Variants in CHD9 observed in about 807,000 individuals in gnomAD.
CHD9 encodes the protein ATP-dependent chromatin remodeler CHD9.
In CHD9, 77 loss-of-function variants were observed where a neutral mutation model predicts 316.1. The ratio of observed to expected loss-of-function variants is 0.24; its 90% confidence interval spans 0.20 to 0.29. The LOEUF is 0.29. Ranked by LOEUF, CHD9 falls within the 10% of genes least tolerant of loss-of-function variation. CHD9 has a pLI of 1.00. For synonymous variants in CHD9, 1,129 were observed against 1,158.3 expected, an observed-to-expected ratio of 0.97 and a Z score of 0.51; for missense variants, 2,763 against 3,438.1, an observed-to-expected ratio of 0.80 and a Z score of 4.91.
At chr16:53,099,571 C>T (rs1033454297) in intron 1 of CHD9, among the ~76,000 whole-genome samples, 7 of 152,132 alleles carry the variant, frequency 4.6e-5, no homozygotes, top group African/African-American at 1.2e-4. Context: ...CTTATCCTTC[C>T]TTCTGCCTCC....
chr16:53,204,216 T>G (rs1252170312), intron 2 of CHD9, among the ~76,000 whole-genome samples: 11 of 151,560 alleles, frequency 7.3e-5, no homozygotes, highest in Non-Finnish European at 1.5e-4. Context: ...GGTCATGTGA[T>G]CATTTTTCCC....
rs71143964 is a variant in CHD9, at chr16:53,088,279, G to GT, written c.-165+33218dup. Among the ~76,000 whole-genome samples, 183 of 136,158 alleles carry GT rather than the reference G, an allele frequency of 1.3e-3. 3 individuals carry two copies. The highest frequency in any genetic ancestry group is 4.1e-3 in the Admixed American group (54 of 13,154). 89.3% of individuals were successfully genotyped at this position (136,158 alleles called of 152,430 possible). On this transcript the variant is annotated intron_variant, in intron 1 of 38. Transcript: ENST00000447540. The stretch of plus-strand genomic sequence containing the variant: ...AATCAAGGAAAATGACATGCACTTT[G>GT]TTTTTTTTTTTTTTTTGAGATGGAG...
rs943888151 is a variant in CHD9 at position 53,243,021 on chromosome 16, GT to G, written c.3054+6del. On this transcript the variant is annotated splice_donor_region_variant and intron_variant, in intron 13 of 38. Coordinates refer to ENST00000447540, the MANE Select transcript of CHD9 (RefSeq NM_001308319.2). Reference sequence around the variant, plus strand: ...GGCCTGAAACTCATGAATCTGGTAAGTAACTTAATATTATCATTATGACAAT... The same window carrying G: ...GGCCTGAAACTCATGAATCTGGTAAGAACTTAATATTATCATTATGACAAT... 9 of 1,569,002 alleles carry G rather than the reference GT, an allele frequency of 5.7e-6. No homozygotes were observed. The Admixed American group carries it at 1.4e-4, about 24-fold the overall frequency.
intron 1 of CHD9, among the ~76,000 whole-genome samples, chr16:53,081,258 A>T (rs192880337): frequency 6.6e-6 from 1 of 152,256 alleles, no homozygotes; most frequent in East Asian, 1.9e-4. Flanking sequence ...GTGGATACAG[A>T]GTTTCTAGAT....
chr16:53,316,975 G>A (rs1185223145), intron 36 of CHD9, among the ~76,000 whole-genome samples: 4 of 152,106 alleles, frequency 2.6e-5, no homozygotes, highest in Non-Finnish European at 5.9e-5. Flanking sequence ...GAGGCGGGCA[G>A]ATCACCTGAG....
At chr16:53,084,557 A>T (rs562099202) in intron 1 of CHD9, among the ~76,000 whole-genome samples, 1 of 152,336 alleles carries the variant, frequency 6.6e-6, no homozygotes, top group African/African-American at 2.4e-5. Flanking sequence ...ATCCTGGCCA[A>T]TATGGTGAAA....
chr16:53,078,660 G>A (rs1459305555), intron 1 of CHD9, among the ~76,000 whole-genome samples: 1 of 151,984 alleles, frequency 6.6e-6, no homozygotes, highest in Non-Finnish European at 1.5e-5. Flanking sequence ...GCCACATCTG[G>A]CATAGTCAAC....
intron 1 of CHD9, among the ~76,000 whole-genome samples, chr16:53,110,220 A>G (rs2037754842): frequency 6.6e-6 from 1 of 152,068 alleles, no homozygotes; most frequent in Admixed American, 6.6e-5. Flanking sequence ...TGAGAACTGA[A>G]CTTACAGGAA....
At chr16:53,120,589 G>A (rs766496750) in intron 1 of CHD9, among the ~76,000 whole-genome samples, 1 of 152,146 alleles carries the variant, frequency 6.6e-6, no homozygotes, top group African/African-American at 2.4e-5. Context: ...CTCCAGCCTG[G>A]GCAACAAGAG....
At chr16:53,126,865 G>C (rs532779131) in intron 1 of CHD9, among the ~76,000 whole-genome samples, 106 of 152,128 alleles carry the variant, frequency 7.0e-4, no homozygotes, top group African/African-American at 2.5e-3. Flanking sequence ...TTTTAGTAGA[G>C]ACGGGGTTTC....
Position 53,248,470 on chromosome 16 carries a change from T to C in CHD9, c.3665+967T>C, listed in dbSNP as rs956283056. On this transcript the variant is annotated intron_variant, in intron 16 of 38. Transcript: ENST00000447540. ...AAAAGAGAATCAGAAATTTCAGCTA[T>C]AGATTTTTTATTTTATTTTTTTTTG... Among the ~76,000 whole-genome samples the C allele has an allele frequency of 5.6e-4, 85 of 151,450 alleles. 1 individual carries two copies. The highest frequency in any genetic ancestry group is 2.3e-3 in the Admixed American group (35 of 15,212).
Position 53,125,311 on chromosome 16 carries a change from C to T in CHD9, c.-164-30615C>T, listed in dbSNP as rs541119926. Among the ~76,000 whole-genome samples, 48 of 150,040 alleles carry T rather than the reference C, an allele frequency of 3.2e-4. 1 individual carries two copies. The South Asian group carries it at 0.01, about 32-fold the overall frequency. The stretch of plus-strand genomic sequence containing the variant: ...CAATCTCAGCTCACTGCAACCTCCA[C>T]CTCCTGGGTTCAAGCAATTCCCCTG... On this transcript the variant is annotated intron_variant, in intron 1 of 38. Coordinates refer to ENST00000447540, the MANE Select transcript of CHD9 (RefSeq NM_001308319.2).
At chr16:53,206,585 T>C (rs1250006398) in intron 2 of CHD9, among the ~76,000 whole-genome samples, 1 of 152,228 alleles carries the variant, frequency 6.6e-6, no homozygotes, top group African/African-American at 2.4e-5. Context: ...AAGTCATTTC[T>C]CTATCCCCCA....
chr16:53,235,552 T>G (rs2048550505), intron 11 of CHD9, among the ~76,000 whole-genome samples: 1 of 152,164 alleles, frequency 6.6e-6, no homozygotes, highest in Admixed American at 6.5e-5. Flanking sequence ...TTGAAATACC[T>G]TTCCAAGAGT....
intron 37 of CHD9, among the ~76,000 whole-genome samples, chr16:53,319,249 C>T (rs957124057): frequency 5.3e-5 from 8 of 152,082 alleles, no homozygotes; most frequent in Middle Eastern, 3.2e-3. Context: ...TTTCTCATTG[C>T]GTTATTTTTC....
chr16:53,092,300 C>A (rs542374038), intron 1 of CHD9, among the ~76,000 whole-genome samples: 1 of 152,168 alleles, frequency 6.6e-6, no homozygotes, highest in South Asian at 2.1e-4. Flanking sequence ...CCACCCATTT[C>A]TAGTTTTTCA....
At chr16:53,308,452 A>G (rs2056182447) in intron 33 of CHD9, among the ~76,000 whole-genome samples, 1 of 152,244 alleles carries the variant, frequency 6.6e-6, no homozygotes, top group Non-Finnish European at 1.5e-5. Context: ...TGTTTTGGTC[A>G]GAAAAGTGTG....
At chr16:53,124,639 T>C (rs1341342901) in intron 1 of CHD9, among the ~76,000 whole-genome samples, 6 of 151,896 alleles carry the variant, frequency 4.0e-5, no homozygotes, top group Non-Finnish European at 8.8e-5. Flanking sequence ...CACCATGCCC[T>C]GATAATTTTT....
intron 1 of CHD9, among the ~76,000 whole-genome samples, chr16:53,063,399 C>CAT (rs2033149733): frequency 6.8e-6 from 1 of 146,374 alleles, no homozygotes; most frequent in Non-Finnish European, 1.5e-5. Context: ...CACACACACA[C>CAT]ACAAAATGTG....
Sources: allele counts gnomAD v4.1 joint callset (sites outside exome capture counted in the v4.1 genomes callset), GRCh38; gene constraint gnomAD v4.1.1; transcripts MANE v1.5; gene names NCBI Gene and HGNC (gene_info 2026-07-23, HGNC 2026-07-21).